The following COL4A6 variants were observed in gnomAD, a reference collection of about 807,000 sequenced individuals.
The protein encoded by COL4A6 is collagen alpha-6(IV) chain.
COL4A6 carries 59 observed loss-of-function variants against 126.7 expected under a neutral mutation model. That is an observed-to-expected ratio of 0.47 (90% CI 0.38 to 0.58). COL4A6 has a LOEUF of 0.58. COL4A6 is among the 20% of genes least tolerant of loss of function. The pLI is 0.00. For missense variants in COL4A6, 1,285 were observed against 1,337.3 expected, an observed-to-expected ratio of 0.96 and a Z score of 0.61; for synonymous variants, 547 against 496.6, an observed-to-expected ratio of 1.10 and a Z score of -1.35.
intron 2 of COL4A6, among the ~76,000 whole-genome samples, chrX:108,389,843 G>T (rs1281227317): frequency 1.8e-5 from 2 of 111,465 alleles, no homozygotes. Context: ...TTACAATTTG[G>T]TATGTTTTTC....
chrX:108,421,029 T>C (rs187892576), intron 2 of COL4A6, among the ~76,000 whole-genome samples: 5 of 112,232 alleles, frequency 4.5e-5, no homozygotes, highest in African/African-American at 1.6e-4. Flanking sequence ...CTAACTAGTC[T>C]TTACCTAAAT....
rs374901219 is a variant in COL4A6 at position 108,279,255 on chromosome X, G to A, written c.144+31493C>T. Among the ~76,000 whole-genome samples, 8 of 110,835 alleles carry A rather than the reference G, an allele frequency of 7.2e-5. No homozygotes were observed. In the East Asian group the frequency reaches 8.4e-4, roughly 12 times the overall value. On this transcript the variant is annotated intron_variant, in intron 3 of 44. Transcript: ENST00000334504. ...GCTGTATTCAGGAAACCCATCTCAC[G>A]TGCAGAGACACACATAGGCTCAAAA...
intron 23 of COL4A6, chrX:108,183,841 C>T (rs2034763935): frequency 1.4e-6 from 1 of 691,108 alleles, no homozygotes; most frequent in South Asian, 8.1e-5. Flanking sequence ...GGGAAGTCTT[C>T]TCAGCAGCCC....
upstream of COL4A6, among the ~76,000 whole-genome samples, chrX:108,438,648 A>G (rs2064319812): frequency 1.8e-5 from 2 of 112,908 alleles, no homozygotes; most frequent in Admixed American, 9.3e-5. Flanking sequence ...CTGTTAGGTT[A>G]CACATAAAGA....
In COL4A6 at chrX:108,329,704, C is replaced by A. The variant is rs185698044; in HGVS notation, c.64-18876G>T. 2.7e-3 allele frequency among the ~76,000 whole-genome samples: 300 copies of A among 111,671 alleles called. 2 individuals carry two copies. The highest frequency in any genetic ancestry group is 9.4e-3 in the African/African-American group (289 of 30,760). On this transcript the variant is annotated intron_variant, in intron 2 of 44. Transcript: ENST00000334504. The stretch of plus-strand genomic sequence containing the variant: ...ATGAATTGGTAAATTTGAAGCTGAG[C>A]AATTGGTACATGGGAGGAGTTTCAT...
intron 3 of COL4A6, among the ~76,000 whole-genome samples, chrX:108,255,290 C>T (rs2036971127): frequency 9.4e-6 from 1 of 106,111 alleles, no homozygotes; most frequent in African/African-American, 3.4e-5. Flanking sequence ...TGATAGCCTG[C>T]TGTTTGAATT....
At chrX:108,188,722 C>T in intron 20 of COL4A6, 45 bp from the exon 21 acceptor site, 2 of 1,052,753 alleles carry the variant, frequency 1.9e-6, no homozygotes, top group Non-Finnish European at 1.2e-6. Context: ...CATTTTTTTC[C>T]AAGAAGAATA....
At chrX:108,227,144 G>T (rs2036189780) in intron 3 of COL4A6, among the ~76,000 whole-genome samples, 1 of 111,822 alleles carries the variant, frequency 8.9e-6, no homozygotes, top group Admixed American at 9.5e-5. Context: ...CCAACAGACT[G>T]AACTCCTTGA....
In COL4A6 at chrX:108,176,887, T is replaced by C; in HGVS notation, c.2640A>G (p.Pro880=). The C allele has an allele frequency of 8.3e-7, 1 of 1,211,527 alleles. No homozygotes were observed. The highest frequency in any genetic ancestry group is 1.1e-6 in the Non-Finnish European group (1 of 895,485). The change falls in exon 28 of 45, where the codon CCA becomes CCG. Residue 880 remains proline (P), a synonymous_variant. Transcript: ENST00000334504. The part of the protein sequence containing the change: ...NPGLVGLKGS[P]GSPGVAGLPA... Reference sequence around the variant, plus strand: ...GCAACCCAGCGACCCCTGGAGAGCCTGGGCTTCCTTTCAGTCCTACTAGGC... The same window carrying C: ...GCAACCCAGCGACCCCTGGAGAGCCCGGGCTTCCTTTCAGTCCTACTAGGC...
intron 23 of COL4A6, among the ~76,000 whole-genome samples, chrX:108,186,469 A>T (rs894658078): frequency 8.9e-6 from 1 of 112,313 alleles, no homozygotes; most frequent in African/African-American, 3.2e-5. Context: ...AGTTGTGGAA[A>T]CCCAAAAGTT....
intron 2 of COL4A6, among the ~76,000 whole-genome samples, chrX:108,419,899 T>C (rs1054880286): frequency 3.6e-5 from 4 of 112,306 alleles, no homozygotes; most frequent in Non-Finnish European, 7.5e-5. Context: ...AAAAAGACCA[T>C]GGTCTTGCAT....
At chrX:108,252,533 CA>C (rs1004890455) in intron 3 of COL4A6, among the ~76,000 whole-genome samples, 6 of 111,443 alleles carry the variant, frequency 5.4e-5, no homozygotes, top group African/African-American at 2.0e-4. Context: ...AGTCCTCCAT[CA>C]AAGAAAAGCT....
chrX:108,204,773 G>A (rs935520480), intron 11 of COL4A6, among the ~76,000 whole-genome samples: 1 of 111,805 alleles, frequency 8.9e-6, no homozygotes, highest in Non-Finnish European at 1.9e-5. Flanking sequence ...CTTGCAAAGA[G>A]CACAATCAGA....
chrX:108,303,919 A>G (rs1227179434), intron 3 of COL4A6, among the ~76,000 whole-genome samples: 1 of 111,929 alleles, frequency 8.9e-6, no homozygotes, highest in African/African-American at 3.2e-5. Context: ...CTTCAATACT[A>G]GAAAGCACGA....
intron 3 of COL4A6, among the ~76,000 whole-genome samples, chrX:108,237,187 C>T (rs1299583071): frequency 8.9e-6 from 1 of 111,737 alleles, no homozygotes; most frequent in Admixed American, 9.5e-5. Flanking sequence ...TCCAGTCAAA[C>T]ATTGCAGCAA....
chrX:108,420,449 A>G (rs1204683679), intron 2 of COL4A6, among the ~76,000 whole-genome samples: 1 of 111,521 alleles, frequency 9.0e-6, no homozygotes, highest in Non-Finnish European at 1.9e-5. Context: ...GTTGTTTGCT[A>G]TGACAGCATA....
rs547562606 is a variant in COL4A6 at position 108,188,619 on chromosome X, T to C, written c.1485A>G (p.Glu495=). The change falls in exon 21 of 45, where the codon GAA becomes GAG. Residue 495 remains glutamate (E), a synonymous_variant. Transcript: ENST00000334504. ...GACCCCATGGACCAGGTGGGCCTGG[T>C]TCCCCGGGTGGTCCAGTGTTGGGAA... is the stretch of plus-strand genomic sequence containing the variant. ...GGVPNTGPPG[E]PGPPGPWGLI... 3 of 1,196,757 alleles carry C rather than the reference T, an allele frequency of 2.5e-6. No individual in the cohort carries two copies. In the South Asian group the frequency reaches 5.6e-5, roughly 22 times the overall value.
At chrX:108,187,816 T>C (rs367707157) in intron 22 of COL4A6, 32 bp downstream of exon 22, 161 of 1,166,025 alleles carry the variant, frequency 1.4e-4, no homozygotes, top group Admixed American at 3.1e-4. Flanking sequence ...TGAAGATCTG[T>C]AGAGCTAATC....
chrX:108,165,579 A>C (rs917438924), intron 37 of COL4A6, 93 bp from the exon 38 acceptor site: 1 of 585,449 alleles, frequency 1.7e-6, no homozygotes, highest in Non-Finnish European at 2.6e-6. Flanking sequence ...ACACAGAGAA[A>C]ATGGAAGCAG....
Sources: gnomAD v4.1 joint callset for allele counts (sites outside exome capture counted in the v4.1 genomes callset) on GRCh38, gnomAD v4.1.1 for gene constraint, MANE v1.5 for transcripts, NCBI Gene and HGNC (gene_info 2026-07-23, HGNC 2026-07-21) for gene names.